GRM7: variants seen among roughly 807,000 people sequenced by gnomAD.
The protein encoded by GRM7 is glutamate metabotropic receptor 7, also known as metabotropic glutamate receptor 7.
A neutral mutation model predicts 84.5 loss-of-function variants in GRM7; 35 were observed. That is an observed-to-expected ratio of 0.41 (90% CI 0.32 to 0.55). The LOEUF is 0.55. Among genes scored for constraint, GRM7 ranks in the 20% least tolerant of loss-of-function variants. GRM7 has a pLI of 0.19. For missense variants in GRM7, 1,003 were observed against 1,194.6 expected, an observed-to-expected ratio of 0.84 and a Z score of 2.36; for synonymous variants, 487 against 455.1, an observed-to-expected ratio of 1.07 and a Z score of -0.89.
intron 1 of GRM7, among the ~76,000 whole-genome samples, chr3:7,022,578 T>C (rs1322956284): frequency 6.6e-6 from 1 of 151,942 alleles, no homozygotes; most frequent in Non-Finnish European, 1.5e-5. Context: ...ACCTTTCAGG[T>C]TGAAGAAAAT....
At chr3:7,259,877 A>G (rs1698346083) in intron 2 of GRM7, among the ~76,000 whole-genome samples, 2 of 151,170 alleles carry the variant, frequency 1.3e-5, no homozygotes, top group South Asian at 4.2e-4. Flanking sequence ...ACTGCGTTCC[A>G]CAATGGTTGA....
At chr3:7,118,217 C>G (rs1020047486) in intron 1 of GRM7, among the ~76,000 whole-genome samples, 3 of 151,856 alleles carry the variant, frequency 2.0e-5, no homozygotes, top group Admixed American at 1.3e-4. Flanking sequence ...GAGACCCTGT[C>G]TCTACAAAAA....
chr3:7,436,047 A>T (rs1277087192), intron 5 of GRM7, among the ~76,000 whole-genome samples: 2 of 151,248 alleles, frequency 1.3e-5, no homozygotes, highest in African/African-American at 2.4e-5. Flanking sequence ...AAGTTTCACC[A>T]TGTTGGCCAG....
At chr3:7,597,773 A>G (rs1480163069) in intron 8 of GRM7, among the ~76,000 whole-genome samples, 1 of 152,206 alleles carries the variant, frequency 6.6e-6, no homozygotes, top group Non-Finnish European at 1.5e-5. Context: ...TAGAATTACA[A>G]GTTTCAACAA....
chr3:7,701,425 T>C (rs905720088), intron 9 of GRM7, among the ~76,000 whole-genome samples: 1 of 151,020 alleles, frequency 6.6e-6, no homozygotes, highest in East Asian at 2.0e-4. Context: ...CTCAGCCTCC[T>C]GAGTAGCTGG....
At chr3:7,167,330 G>T (rs1474908148) in intron 2 of GRM7, among the ~76,000 whole-genome samples, 1 of 152,170 alleles carries the variant, frequency 6.6e-6, no homozygotes, top group Non-Finnish European at 1.5e-5. Flanking sequence ...ATGTTGTGAT[G>T]ATAGCCTCAC....
chr3:7,398,316 A>G (rs1695299524), intron 4 of GRM7, among the ~76,000 whole-genome samples: 1 of 152,182 alleles, frequency 6.6e-6, no homozygotes, highest in Admixed American at 6.6e-5. Context: ...GAAAGGTTTG[A>G]AATCAGATAA....
At chr3:7,108,626 C>T (rs915267863) in intron 1 of GRM7, among the ~76,000 whole-genome samples, 2 of 150,564 alleles carry the variant, frequency 1.3e-5, no homozygotes, top group African/African-American at 5.0e-5. Flanking sequence ...TCAGTCAGTC[C>T]CCATTCATTA....
At chr3:7,352,914 C>A (rs762966154) in intron 4 of GRM7, among the ~76,000 whole-genome samples, 2 of 152,092 alleles carry the variant, frequency 1.3e-5, no homozygotes, top group African/African-American at 4.8e-5. Flanking sequence ...AATGTCCTCA[C>A]GTTAACAGTA....
intron 1 of GRM7, among the ~76,000 whole-genome samples, chr3:7,012,959 C>T (rs113483286): frequency 0.031 from 4,786 of 152,092 alleles, 275 homozygotes; most frequent in African/African-American, 0.11. Context: ...AGGCTGGTCT[C>T]GAACTTCTGG....
intron 2 of GRM7, among the ~76,000 whole-genome samples, chr3:7,158,566 TAATATGAAAG>T (rs1314815705): frequency 1.3e-5 from 2 of 152,158 alleles, no homozygotes; most frequent in Non-Finnish European, 2.9e-5. Flanking sequence ...GTCACTGTTG[TAATATGAAAG>T]ATTATGCACT....
intron 4 of GRM7, among the ~76,000 whole-genome samples, chr3:7,331,193 T>C (rs1232224709): frequency 6.6e-6 from 1 of 152,206 alleles, no homozygotes; most frequent in Non-Finnish European, 1.5e-5. Context: ...ACACATTAGA[T>C]ACTAAATAAA....
intron 7 of GRM7, among the ~76,000 whole-genome samples, chr3:7,563,194 A>G (rs1694102847): frequency 6.6e-6 from 1 of 152,104 alleles, no homozygotes; most frequent in African/African-American, 2.4e-5. Context: ...AGTTTCAGTG[A>G]TTTAAGGATT....
intron 2 of GRM7, among the ~76,000 whole-genome samples, chr3:7,154,140 A>G (rs1007276662): frequency 4.6e-5 from 7 of 152,212 alleles, no homozygotes; most frequent in Admixed American, 1.3e-4. Context: ...CTTCCAAGCA[A>G]TGTGGTAGCC....
In GRM7 at chr3:7,278,680, C is replaced by T. The variant is rs116438793; in HGVS notation, c.737-20004C>T. ...AAGATGTGATTCTTAGAATCGGGTA[C>T]TCAATGTCAAGAAGACAAGCATATG... On this transcript the variant is annotated intron_variant, in intron 2 of 9. Coordinates refer to ENST00000357716, the MANE Select transcript of GRM7 (RefSeq NM_000844.4). 4.8e-3 allele frequency among the ~76,000 whole-genome samples: 728 copies of T among 152,182 alleles called. 3 individuals carry two copies. The highest frequency in any genetic ancestry group is 0.016 in the African/African-American group (679 of 41,546).
chr3:7,668,440 C>T (rs1172478600), intron 8 of GRM7, among the ~76,000 whole-genome samples: 2 of 152,188 alleles, frequency 1.3e-5, no homozygotes, highest in Admixed American at 1.3e-4. Context: ...AGATACACTA[C>T]TCTCTCTCCT....
chr3:7,381,973 A>G (rs139948301), intron 4 of GRM7, among the ~76,000 whole-genome samples: 169 of 152,320 alleles, frequency 1.1e-3, no homozygotes, highest in African/African-American at 3.9e-3. Context: ...CCCATGGGTT[A>G]CATAAAAATC....
chr3:6,978,025 C>G (rs1476732921), intron 1 of GRM7, among the ~76,000 whole-genome samples: 1 of 151,842 alleles, frequency 6.6e-6, no homozygotes, highest in African/African-American at 2.4e-5. Context: ...GTCCTAACCA[C>G]CAGAACCTGT....
At chr3:6,888,711 G>C (rs1357272058) in intron 1 of GRM7, among the ~76,000 whole-genome samples, 1 of 152,114 alleles carries the variant, frequency 6.6e-6, no homozygotes, top group East Asian at 1.9e-4. Flanking sequence ...ACTTGGCGAT[G>C]CGGGCTGTTT....
Sources: gnomAD v4.1 joint callset for allele counts (sites outside exome capture counted in the v4.1 genomes callset) on GRCh38, gnomAD v4.1.1 for gene constraint, MANE v1.5 for transcripts, NCBI Gene and HGNC (gene_info 2026-07-23, HGNC 2026-07-21) for gene names.